The following AR variants were observed in gnomAD, a reference collection of about 807,000 sequenced individuals.
AR encodes the protein dihydrotestosterone receptor.
Under a neutral mutation model 53.9 loss-of-function variants are expected in AR, and 8 were observed. That is an observed-to-expected ratio of 0.15 (90% CI 0.09 to 0.27). The LOEUF is 0.27. Among genes scored for constraint, AR ranks in the 10% least tolerant of loss-of-function variants. AR has a pLI of 1.00. For missense variants in AR, 639 were observed against 742.5 expected, an observed-to-expected ratio of 0.86 and a Z score of 1.62; for synonymous variants, 359 against 316.4, an observed-to-expected ratio of 1.13 and a Z score of -1.43.
intron 1 of AR, among the ~76,000 whole-genome samples, chrX:67,559,389 A>C (rs971131517): frequency 1.8e-5 from 2 of 112,031 alleles, no homozygotes; most frequent in Admixed American, 9.5e-5. Context: ...GAGACTGGAC[A>C]AAAGGAACAA....
At chrX:67,722,183 A>T (rs773498272) in intron 6 of AR, 1 of 413,559 alleles carries the variant, frequency 2.4e-6, no homozygotes, top group Non-Finnish European at 4.2e-6. Flanking sequence ...GTCAACCTCC[A>T]TCAGATTCCC....
At chrX:67,722,093 A>G (rs1318011901) in intron 6 of AR, 130 bp downstream of exon 6, 4 of 767,423 alleles carry the variant, frequency 5.2e-6, no homozygotes, top group Admixed American at 5.5e-5. Flanking sequence ...CCCCCTCCCC[A>G]TCCCCACTCT....
At chrX:67,627,741 G>T (rs1417036637) in intron 1 of AR, among the ~76,000 whole-genome samples, 3 of 111,590 alleles carry the variant, frequency 2.7e-5, no homozygotes, top group Non-Finnish European at 5.6e-5. Flanking sequence ...TAATGCCTAG[G>T]TTTTCTTCTA....
intron 2 of AR, among the ~76,000 whole-genome samples, chrX:67,673,470 T>A (rs900306303): frequency 1.7e-4 from 15 of 88,794 alleles, no homozygotes; most frequent in African/African-American, 6.8e-4. Context: ...CATTGTTTGC[T>A]ATTTTTTTTT....
chrX:67,694,657 C>T (rs2076011304), intron 3 of AR: 6 of 1,154,358 alleles, frequency 5.2e-6, no homozygotes, highest in Non-Finnish European at 6.9e-6. Context: ...TCAACAATGT[C>T]TCTCTTTCAT....
chrX:67,712,106 T>C (rs2076096336), intron 4 of AR, among the ~76,000 whole-genome samples: 1 of 111,986 alleles, frequency 8.9e-6, no homozygotes. Flanking sequence ...CTTTAGGAGC[T>C]ATATCATGGG....
At chrX:67,564,131 C>G (rs1192408882) in intron 1 of AR, among the ~76,000 whole-genome samples, 2 of 111,520 alleles carry the variant, frequency 1.8e-5, no homozygotes, top group East Asian at 5.7e-4. Context: ...GGACCTTCCT[C>G]TCAACACCCC....
chrX:67,574,468 C>A (rs1026468859), intron 1 of AR, among the ~76,000 whole-genome samples: 1 of 110,696 alleles, frequency 9.0e-6, no homozygotes, highest in African/African-American at 3.3e-5. Context: ...TCTCTGTGCT[C>A]CCCGTTTTAG....
intron 1 of AR, among the ~76,000 whole-genome samples, chrX:67,600,896 AG>A (rs772201201): frequency 8.9e-6 from 1 of 111,827 alleles, no homozygotes; most frequent in East Asian, 2.8e-4. Flanking sequence ...CCATAGTTCA[AG>A]TTATAAACAA....
chrX:67,679,073 A>T (rs2075917515), intron 2 of AR, among the ~76,000 whole-genome samples: 1 of 111,427 alleles, frequency 9.0e-6, no homozygotes, highest in African/African-American at 3.3e-5. Flanking sequence ...AAGGTGATGG[A>T]TATGTTAATT....
At chrX:67,665,680 C>G (rs886973104) in intron 2 of AR, among the ~76,000 whole-genome samples, 9 of 111,278 alleles carry the variant, frequency 8.1e-5, no homozygotes, top group Non-Finnish European at 1.5e-4. Context: ...ACTAGCAAGC[C>G]CTTTTATGAT....
intron 1 of AR, among the ~76,000 whole-genome samples, chrX:67,588,984 AT>A (rs1422392768): frequency 8.9e-6 from 1 of 112,508 alleles, no homozygotes; most frequent in East Asian, 2.8e-4. Flanking sequence ...TGTCTTTCTT[AT>A]TTCTACTTAG....
intron 4 of AR, among the ~76,000 whole-genome samples, chrX:67,715,064 T>TA (rs1173148496): frequency 1.8e-5 from 2 of 111,601 alleles, no homozygotes; most frequent in African/African-American, 6.5e-5. Flanking sequence ...ACAATTTGCT[T>TA]GATACCTGTA....
chrX:67,665,012 G>C (rs1927189869), intron 2 of AR, among the ~76,000 whole-genome samples: 1 of 112,791 alleles, frequency 8.9e-6, no homozygotes, highest in Non-Finnish European at 1.9e-5. Flanking sequence ...GGTGCCATCT[G>C]TCACCCCTTT....
chrX:67,586,505 T>C (rs1922553190), intron 1 of AR, among the ~76,000 whole-genome samples: 1 of 112,190 alleles, frequency 8.9e-6, no homozygotes, highest in Admixed American at 9.5e-5. Flanking sequence ...CTGTTACACC[T>C]CTATGAGAGA....
At chrX:67,697,158 C>T in intron 3 of AR, among the ~76,000 whole-genome samples, 1 of 111,897 alleles carries the variant, frequency 8.9e-6, no homozygotes, top group East Asian at 2.8e-4. Flanking sequence ...CATGCTCAGG[C>T]CCACTTTGCC....
At position 67,668,845 on chromosome X, in the gene AR, C is replaced by T. The variant is rs147034561; in HGVS notation, c.1769-17165C>T. ...TCTAGGTTTTCCAATGTATTGTCAT[C>T]CAGTTGCTCATAATGCCCTCTAATG... On this transcript the variant is annotated intron_variant, in intron 2 of 7. Coordinates refer to ENST00000374690, the MANE Select transcript of AR (RefSeq NM_000044.6). Among the ~76,000 whole-genome samples, 38 of 111,214 alleles carry T rather than the reference C, an allele frequency of 3.4e-4. No individual in the cohort carries two copies. In the East Asian group the frequency reaches 9.9e-3, roughly 29 times the overall value.
In AR at chrX:67,723,996, G is replaced by C; in HGVS notation, c.*155G>C. 1 of 772,687 alleles carries C rather than the reference G, an allele frequency of 1.3e-6. No homozygotes were observed. The highest frequency in any genetic ancestry group is 1.8e-6 in the Non-Finnish European group (1 of 544,551). The allele number at this position is 772,687 out of a possible 1,213,427, so 63.7% of individuals were successfully genotyped here. A position where few individuals can be genotyped will look rare whatever the true frequency, so the allele number is the denominator to read the frequency against. ...AACATGTTCCTGAATTCTATTTGCT[G>C]GGCTTTTTTTTTCTCTTTCTCTCCT... On this transcript the variant is annotated 3_prime_UTR_variant, in exon 8 of 8. Transcript: ENST00000374690.
At chrX:67,560,040 GC>G (rs1488340190) in intron 1 of AR, among the ~76,000 whole-genome samples, 1 of 111,707 alleles carries the variant, frequency 9.0e-6, no homozygotes, top group Non-Finnish European at 1.9e-5. Flanking sequence ...TTTTAACCAT[GC>G]TCATACTTTC....
Sources: gnomAD v4.1 joint callset for allele counts (sites outside exome capture counted in the v4.1 genomes callset) on GRCh38, gnomAD v4.1.1 for gene constraint, MANE v1.5 for transcripts, NCBI Gene and HGNC (gene_info 2026-07-23, HGNC 2026-07-21) for gene names.